The following CRADD variants were observed in gnomAD, a reference collection of about 807,000 sequenced individuals.
CRADD encodes the protein CARD and death domain containing adaptor protein.
In CRADD, 9 loss-of-function variants were observed where a neutral mutation model predicts 15.5. The observed-to-expected ratio is 0.58, with a 90% confidence interval of 0.35 to 1.01. The LOEUF (loss-of-function observed/expected upper bound fraction) is 1.01. Ranked by LOEUF, CRADD falls within the 50% of genes least tolerant of loss-of-function variation. The pLI is 0.02. For synonymous variants in CRADD, 118 were observed against 107.6 expected, an observed-to-expected ratio of 1.10 and a Z score of -0.60; for missense variants, 227 against 250.3, an observed-to-expected ratio of 0.91 and a Z score of 0.63.
chr12:93,867,403 A>ATATATATATATTTTTTT (rs985334638), intron 2 of CRADD, among the ~76,000 whole-genome samples: 1,662 of 143,392 alleles, frequency 0.012, 113 homozygotes, highest in Non-Finnish European at 0.021. Flanking sequence ...ATATATATAT[A>ATATATATATATTTTTTT]TTTTTTAAAC....
At chr12:93,817,117 T>C (rs1478486858) in intron 2 of CRADD, among the ~76,000 whole-genome samples, 1 of 152,128 alleles carries the variant, frequency 6.6e-6, no homozygotes, top group African/African-American at 2.4e-5. Flanking sequence ...TGCACAAATA[T>C]AAAAGGTATT....
chr12:93,715,019 A>G (rs1394001204), intron 2 of CRADD: 2 of 152,200 alleles, frequency 1.3e-5, no homozygotes, highest in East Asian at 1.9e-4. Context: ...CAAGTCAAAC[A>G]TCAAGTGCTT....
At chr12:93,818,288 C>T in intron 2 of CRADD, among the ~76,000 whole-genome samples, 1 of 152,168 alleles carries the variant, frequency 6.6e-6, no homozygotes, top group East Asian at 1.9e-4. Context: ...TGCTGAAAAT[C>T]TAAGTATTTA....
chr12:93,768,490 G>GTT (rs567746073), intron 2 of CRADD, among the ~76,000 whole-genome samples: 11 of 143,604 alleles, frequency 7.7e-5, no homozygotes, highest in Non-Finnish European at 7.6e-5. Flanking sequence ...GCAGCAGGTG[G>GTT]TTTTTTTTTT....
At chr12:93,835,545 C>G (rs1258577733) in intron 2 of CRADD, among the ~76,000 whole-genome samples, 1 of 152,118 alleles carries the variant, frequency 6.6e-6, no homozygotes, top group African/African-American at 2.4e-5. Context: ...CCTGGGTTCT[C>G]TACTTCAGGA....
chr12:93,752,005 GC>G (rs1209488908), intron 2 of CRADD, among the ~76,000 whole-genome samples: 2 of 152,216 alleles, frequency 1.3e-5, no homozygotes, highest in East Asian at 3.8e-4. Context: ...AGGTAGTCGG[GC>G]CGGCAAGTAA....
intron 2 of CRADD, among the ~76,000 whole-genome samples, chr12:93,711,047 A>G (rs887734782): frequency 2.6e-5 from 1 of 38,440 alleles, no homozygotes. Flanking sequence ...CCACCCTCCC[A>G]CCCCCGCCTT....
intron 2 of CRADD, among the ~76,000 whole-genome samples, chr12:93,786,796 A>C (rs1957282854): frequency 6.6e-6 from 1 of 152,194 alleles, no homozygotes; most frequent in African/African-American, 2.4e-5. Context: ...TTAGGACAAA[A>C]GTCTAGTGAG....
chr12:93,684,529 G>A (rs548039825), intron 2 of CRADD, among the ~76,000 whole-genome samples: 2 of 152,248 alleles, frequency 1.3e-5, no homozygotes, highest in African/African-American at 2.4e-5. Flanking sequence ...ATGGGAGTTG[G>A]GGACCCCTGT....
chr12:93,867,779 G>A (rs1958382981), intron 2 of CRADD, among the ~76,000 whole-genome samples: 1 of 152,150 alleles, frequency 6.6e-6, no homozygotes, highest in Admixed American at 6.5e-5. Context: ...TGCTTCATCA[G>A]TATAGTCAGA....
intron 2 of CRADD, chr12:93,707,898 C>G (rs1955986047): frequency 6.6e-6 from 1 of 152,102 alleles, no homozygotes; most frequent in South Asian, 2.1e-4. Flanking sequence ...AGTGGCACAG[C>G]CTTCATTTAG....
At chr12:93,848,425 A>G (rs572424523) in intron 2 of CRADD, among the ~76,000 whole-genome samples, 1 of 152,340 alleles carries the variant, frequency 6.6e-6, no homozygotes, top group African/African-American at 2.4e-5. Flanking sequence ...ATCATAAATC[A>G]AAACACAATA....
chr12:93,778,277 C>A (rs1957161730), intron 2 of CRADD, among the ~76,000 whole-genome samples: 1 of 152,096 alleles, frequency 6.6e-6, no homozygotes, highest in Non-Finnish European at 1.5e-5. Flanking sequence ...ATAACTTTTC[C>A]ACTGATTTTA....
intron 2 of CRADD, among the ~76,000 whole-genome samples, chr12:93,838,989 C>G (rs950137732): frequency 1.6e-4 from 24 of 151,932 alleles, no homozygotes; most frequent in Non-Finnish European, 7.4e-5. Flanking sequence ...CCCAGGCTAG[C>G]CTTGAACTCC....
At chr12:93,679,842 A>G (rs984413461) in intron 2 of CRADD, among the ~76,000 whole-genome samples, 1 of 152,216 alleles carries the variant, frequency 6.6e-6, no homozygotes, top group Non-Finnish European at 1.5e-5. Context: ...GACAGCCTCT[A>G]GGAAGGCATG....
At chr12:93,833,297 G>T (rs1197576626) in intron 2 of CRADD, among the ~76,000 whole-genome samples, 1 of 152,154 alleles carries the variant, frequency 6.6e-6, no homozygotes, top group Non-Finnish European at 1.5e-5. Context: ...AGATAGATAT[G>T]CTTTCAAAGA....
In CRADD at chr12:93,731,410, T is replaced by C. The variant is rs1592940003; in HGVS notation, c.298+52338T>C. Among the ~76,000 whole-genome samples the C allele has an allele frequency of 2.6e-5, 4 of 152,372 alleles. No homozygotes were observed. In the East Asian group the frequency reaches 5.8e-4, roughly 22 times the overall value. On this transcript the variant is annotated intron_variant, in intron 2 of 2. Transcript: ENST00000332896. ...AGTATGTAGGTACTTCCTGTACTTA[T>C]ATTTTACTTTTTGAAAGTTGGCACA...
chr12:93,795,100 G>T (rs1486162848), intron 2 of CRADD, among the ~76,000 whole-genome samples: 2 of 151,790 alleles, frequency 1.3e-5, no homozygotes, highest in Non-Finnish European at 2.9e-5. Flanking sequence ...TTATTTTTTT[G>T]CCCCTACCTA....
At chr12:93,858,556 A>T (rs1023317683) in intron 2 of CRADD, among the ~76,000 whole-genome samples, 4 of 152,154 alleles carry the variant, frequency 2.6e-5, no homozygotes, top group Admixed American at 1.3e-4. Context: ...CAATACCCCA[A>T]AATGAAAGCC....
Sources: allele counts gnomAD v4.1 joint callset (sites outside exome capture counted in the v4.1 genomes callset), GRCh38; gene constraint gnomAD v4.1.1; transcripts MANE v1.5; gene names NCBI Gene and HGNC (gene_info 2026-07-23, HGNC 2026-07-21).